Variants in ADAM12 observed in about 807,000 individuals in gnomAD.
ADAM12 encodes disintegrin and metalloproteinase domain-containing protein 12.
In ADAM12, 70 loss-of-function variants were observed where a neutral mutation model predicts 106.4. That is an observed-to-expected ratio of 0.66 (90% confidence interval 0.54 to 0.80). The LOEUF (loss-of-function observed/expected upper bound fraction) is 0.80, where lower values mean the gene tolerates loss of function less well. ADAM12 is among the 30% of genes least tolerant of loss of function. The pLI is 0.00. For missense variants in ADAM12, 1,010 were observed against 1,171.9 expected, an observed-to-expected ratio of 0.86 and a Z score of 2.02; for synonymous variants, 420 against 433.5, an observed-to-expected ratio of 0.97 and a Z score of 0.39.
chr10:126,157,145 C>G (rs1313417275), intron 3 of ADAM12, among the ~76,000 whole-genome samples: 1 of 152,220 alleles, frequency 6.6e-6, no homozygotes, highest in Non-Finnish European at 1.5e-5. Flanking sequence ...TGACGTCTTT[C>G]TTCTCTGTTC....
At chr10:126,094,813 C>G (rs920931762) in intron 10 of ADAM12, among the ~76,000 whole-genome samples, 6 of 152,180 alleles carry the variant, frequency 3.9e-5, no homozygotes, top group Non-Finnish European at 8.8e-5. Flanking sequence ...TGTCCCGATT[C>G]TCTGACTCTT....
chr10:126,346,594 G>A (rs1397835362), intron 1 of ADAM12, among the ~76,000 whole-genome samples: 3 of 152,118 alleles, frequency 2.0e-5, no homozygotes, highest in South Asian at 2.1e-4. Context: ...TTTCTGTCTC[G>A]TTGATCTGTC....
chr10:126,188,219 G>C (rs535743583), intron 3 of ADAM12, among the ~76,000 whole-genome samples: 19 of 152,322 alleles, frequency 1.2e-4, no homozygotes, highest in African/African-American at 4.3e-4. Flanking sequence ...GTTGAGAGCA[G>C]AGTCCAAAGC....
At chr10:126,294,887 A>G (rs1960300398) in intron 2 of ADAM12, among the ~76,000 whole-genome samples, 1 of 143,606 alleles carries the variant, frequency 7.0e-6, no homozygotes, top group South Asian at 2.4e-4. Context: ...TATAAACAAA[A>G]TTGTGTGTAG....
chr10:126,195,376 A>G lies in ADAM12; in HGVS notation c.261-40071T>C, dbSNP rs115456019. Among the ~76,000 whole-genome samples, 1,090 of 152,164 alleles carry G rather than the reference A, an allele frequency of 7.2e-3. 9 individuals carry two copies. Among genetic ancestry groups the G allele is most frequent in the African/African-American group, 0.025 (1,045 of 41,518 alleles). ...GATCACCTCAGATCAGGGGTTCGAGATTGGCTTGGCCAACATGGTGAAACC... is the reference window on the plus strand; with the variant it reads ...GATCACCTCAGATCAGGGGTTCGAGGTTGGCTTGGCCAACATGGTGAAACC... On this transcript the variant is annotated intron_variant, in intron 3 of 22. Transcript: ENST00000448723.
At chr10:126,291,931 G>C (rs1383193102) in intron 2 of ADAM12, among the ~76,000 whole-genome samples, 3 of 151,994 alleles carry the variant, frequency 2.0e-5, no homozygotes, top group East Asian at 3.9e-4. Context: ...CTCTGGGACA[G>C]AGACATCCTC....
At chr10:126,045,282 A>G (rs1954285434) in intron 17 of ADAM12, among the ~76,000 whole-genome samples, 1 of 152,224 alleles carries the variant, frequency 6.6e-6, no homozygotes, top group Non-Finnish European at 1.5e-5. Context: ...ATTGGGAGTT[A>G]GCTAACCTTA....
chr10:126,346,522 T>C (rs1855146376), intron 1 of ADAM12, among the ~76,000 whole-genome samples: 1 of 152,240 alleles, frequency 6.6e-6, no homozygotes, highest in East Asian at 1.9e-4. Flanking sequence ...GAGAGTTCTG[T>C]AGATGTCTGT....
chr10:126,330,383 T>G (rs1346514279), intron 2 of ADAM12, 29 bp downstream of exon 2: 1 of 1,582,492 alleles, frequency 6.3e-7, no homozygotes, highest in Admixed American at 1.8e-5. Flanking sequence ...TTCGGCAGTC[T>G]CAAAGCTGAG....
intron 2 of ADAM12, among the ~76,000 whole-genome samples, chr10:126,302,827 C>T (rs1473624342): frequency 1.3e-5 from 2 of 152,286 alleles, no homozygotes; most frequent in East Asian, 3.9e-4. Context: ...ATGATAAATG[C>T]CCTGTGTGTA....
intron 1 of ADAM12, among the ~76,000 whole-genome samples, chr10:126,335,439 G>C (rs966205894): frequency 5.9e-5 from 9 of 152,176 alleles, no homozygotes; most frequent in Non-Finnish European, 1.3e-4. Flanking sequence ...AGAAGCCAGG[G>C]ACAAGGCTTC....
chr10:126,232,946 G>A (rs548854417), intron 3 of ADAM12, among the ~76,000 whole-genome samples: 16 of 152,264 alleles, frequency 1.1e-4, no homozygotes, highest in African/African-American at 3.9e-4. Context: ...AAGGAAGGAC[G>A]GGGGCAGTAG....
chr10:126,263,750 T>A (rs1456483425), intron 3 of ADAM12, among the ~76,000 whole-genome samples: 1 of 152,216 alleles, frequency 6.6e-6, no homozygotes, highest in East Asian at 1.9e-4. Context: ...TCCATCTACA[T>A]CAGTGATTTC....
intron 3 of ADAM12, among the ~76,000 whole-genome samples, chr10:126,226,123 G>A (rs1565150932): frequency 6.8e-6 from 1 of 147,130 alleles, no homozygotes; most frequent in African/African-American, 2.5e-5. Flanking sequence ...TGGTACAGAT[G>A]GGTTAAAGGT....
At chr10:126,148,767 C>G (rs1408330799) in intron 4 of ADAM12, among the ~76,000 whole-genome samples, 2 of 152,206 alleles carry the variant, frequency 1.3e-5, no homozygotes, top group Non-Finnish European at 2.9e-5. Flanking sequence ...CTGGTATATT[C>G]TGGAGAGGAT....
At chr10:126,200,598 C>T (rs1401157271) in intron 3 of ADAM12, among the ~76,000 whole-genome samples, 1 of 152,124 alleles carries the variant, frequency 6.6e-6, no homozygotes, top group Non-Finnish European at 1.5e-5. Context: ...TGTGGAGCTG[C>T]CGTGGGGTGC....
At chr10:126,186,016 C>G (rs1957393429) in intron 3 of ADAM12, among the ~76,000 whole-genome samples, 1 of 152,164 alleles carries the variant, frequency 6.6e-6, no homozygotes, top group African/African-American at 2.4e-5. Context: ...TGACCTCTAT[C>G]CGGAATGACA....
chr10:126,342,048 C>CA (rs541717194), intron 1 of ADAM12, among the ~76,000 whole-genome samples: 164 of 152,276 alleles, frequency 1.1e-3, no homozygotes, highest in African/African-American at 3.7e-3. Flanking sequence ...CAAGAAGGGG[C>CA]ACATCCTATG....
At chr10:126,375,157 T>C (rs1770923413) in intron 1 of ADAM12, among the ~76,000 whole-genome samples, 1 of 150,072 alleles carries the variant, frequency 6.7e-6, no homozygotes, top group African/African-American at 2.5e-5. Context: ...CAAACAAATA[T>C]AGGGAATTTG....
Sources: gnomAD v4.1 joint callset for allele counts (sites outside exome capture counted in the v4.1 genomes callset) on GRCh38, gnomAD v4.1.1 for gene constraint, MANE v1.5 for transcripts, NCBI Gene and HGNC (gene_info 2026-07-23, HGNC 2026-07-21) for gene names.